MOV10: variants seen among roughly 807,000 people sequenced by gnomAD.
MOV10 encodes Mov10 RNA helicase.
MOV10 carries 39 observed loss-of-function variants against 108.4 expected under a neutral mutation model. That is an observed-to-expected ratio of 0.36 (90% CI 0.28 to 0.47). The LOEUF (loss-of-function observed/expected upper bound fraction) is 0.47, where lower values mean the gene tolerates loss of function less well. Among genes scored for constraint, MOV10 ranks in the 20% least tolerant of loss-of-function variants. MOV10 has a pLI of 1.00. For synonymous variants in MOV10, 490 were observed against 523.1 expected (o/e 0.94, Z 0.86); for missense variants, 952 against 1,297.6 (o/e 0.73, Z 4.09).
chr1:112,674,912 G>A lies in MOV10; in HGVS notation c.-1G>A. The A allele has an allele frequency of 6.4e-7, 1 of 1,564,670 alleles. No individual in the cohort carries two copies. ...CTGCCTGGGCCGCAGCCGCCGCCGC[G>A]ATGCCCAGTAAGTTCAGCTGCCGGC... On this transcript the variant is annotated 5_prime_UTR_variant, in exon 2 of 21. Transcript: ENST00000369645.
Position 112,698,093 on chromosome 1 carries a change from G to A in MOV10, c.2298G>A (p.Trp766Ter). The A allele has an allele frequency of 6.2e-7, 1 of 1,614,106 alleles. No homozygotes were observed. The highest frequency in any genetic ancestry group is 8.5e-7 in the Non-Finnish European group (1 of 1,180,014). The change falls in exon 15 of 21, where the codon TGG (tryptophan) becomes TGA (stop). Residue 766 changes from tryptophan (W) to a stop codon, truncating the protein, a stop_gained. Coordinates refer to ENST00000369645, the MANE Select transcript of MOV10 (RefSeq NM_001321324.2). LOFTEE classifies it high-confidence loss of function. ...TGGATCGAGAACGCTTCTGCCGCTG[G>A]GCGGGCCTACCTCGACAGGTGAGGC... ...DVVDRERFCR[W>*]AGLPRQGFPI...
chr1:112,699,788 T>C lies in MOV10; in HGVS notation c.2687T>C (p.Leu896Pro). Reference sequence around the variant, plus strand: ...GTGCAGCTGGATCTGGACTTTAATCTGGGTTTCCTTAAGAACCCCAAGGTT... The same window carrying C: ...GTGCAGCTGGATCTGGACTTTAATCCGGGTTTCCTTAAGAACCCCAAGGTT... ...SFVQLDLDFN[L>P]GFLKNPKRFN... The change falls in exon 18 of 21, where the codon CTG becomes CCG. Residue 896 changes from leucine (L) to proline (P), a missense_variant. By Grantham distance (98) the Leu-to-Pro change is moderately conservative (BLOSUM62 -3). Coordinates refer to ENST00000369645, the MANE Select transcript of MOV10 (RefSeq NM_001321324.2). 2 of 1,614,234 alleles carry C rather than the reference T, an allele frequency of 1.2e-6. No individual in the cohort carries two copies. Among genetic ancestry groups the C allele is most frequent in the African/African-American group, 1.3e-5 (1 of 75,072 alleles).
Position 112,689,492 on chromosome 1 carries a change from T to G in MOV10, c.419T>G (p.Leu140Arg), listed in dbSNP as rs1381738704. 6.2e-7 allele frequency: 1 copy of G among 1,613,422 alleles called. No homozygotes were observed. The highest frequency in any genetic ancestry group is 2.2e-5 in the East Asian group (1 of 44,834). ...GPHEARDGQL[L>R]IRLDLNRKEV... Reference sequence around the variant, plus strand: ...CATGAAGCCCGAGATGGGCAGCTCCTTATCCGCCTGGATTTGAACCGCAAA... The same window carrying G: ...CATGAAGCCCGAGATGGGCAGCTCCGTATCCGCCTGGATTTGAACCGCAAA... The change falls in exon 4 of 21, where the codon CTT becomes CGT. Residue 140 changes from leucine to arginine, a missense_variant. Transcript: ENST00000369645.
intron 2 of MOV10, among the ~76,000 whole-genome samples, chr1:112,684,476 C>G (rs913091969): frequency 6.6e-6 from 1 of 151,268 alleles, no homozygotes; most frequent in African/African-American, 2.4e-5. Flanking sequence ...CCATGCAGGT[C>G]AGGCTGGTCT....
Position 112,694,068 on chromosome 1 carries a change from G to A in MOV10, c.1191G>A (p.Leu397=), listed in dbSNP as rs1315264504. ...SRPSVLRGDH[L]FALLSSETHQ... Reference sequence around the variant, plus strand: ...CCTCAGTGCTACGGGGCGACCACCTGTTTGCCCTTTTGTCCTCGGAGACAC... The same window carrying A: ...CCTCAGTGCTACGGGGCGACCACCTATTTGCCCTTTTGTCCTCGGAGACAC... Residue 397 remains leucine (L), a synonymous_variant, in exon 8 of 21, where the codon CTG becomes CTA. Transcript: ENST00000369645. The surrounding 1 kb of genome is among the most constrained non-coding windows in gnomAD (Gnocchi z 4.1). 2.5e-6 allele frequency: 4 copies of A among 1,613,962 alleles called. No homozygotes were observed. In the East Asian group the frequency reaches 6.7e-5, roughly 27 times the overall value.
In MOV10 at chr1:112,689,535, G is replaced by A. The variant is rs1255574071; in HGVS notation, c.462G>A (p.Arg154=). ...ACCGCAAAGAGGTGCTGACCCTGAGGCTTCGGAATGGCGGAACCCAGTCTG... is the reference window on the plus strand; with the variant it reads ...ACCGCAAAGAGGTGCTGACCCTGAGACTTCGGAATGGCGGAACCCAGTCTG... The part of the protein sequence containing the change: ...DLNRKEVLTL[R]LRNGGTQSVT... The change falls in exon 4 of 21, where the codon AGG becomes AGA. Residue 154 remains arginine, a synonymous_variant. Coordinates refer to ENST00000369645, the MANE Select transcript of MOV10 (RefSeq NM_001321324.2). 5 of 1,614,066 alleles carry A rather than the reference G, an allele frequency of 3.1e-6. No individual in the cohort carries two copies. The Admixed American group carries it at 5.0e-5, about 16-fold the overall frequency.
chr1:112,695,806 G>A lies in MOV10; in HGVS notation c.1779+232G>A, dbSNP rs747112457. 5.3e-5 allele frequency among the ~76,000 whole-genome samples: 8 copies of A among 152,106 alleles called. No individual in the cohort carries two copies. The South Asian group carries it at 6.2e-4, about 12-fold the overall frequency. ...TTGTAATCCCAACACTTTGAGGGGC[G>A]AGGCAGATGGATTACCTGAGGTCTG... is the stretch of plus-strand genomic sequence containing the variant. On this transcript the variant is annotated intron_variant, in intron 11 of 20. Transcript: ENST00000369645.
At chr1:112,695,660 C>G in intron 11 of MOV10, 86 bp downstream of exon 11, 2 of 1,417,182 alleles carry the variant, frequency 1.4e-6, no homozygotes, top group Non-Finnish European at 1.9e-6. Flanking sequence ...GCTAGGAGAC[C>G]TGGATTCTGA....
Position 112,691,746 on chromosome 1 carries a change from G to A in MOV10, c.918G>A (p.Met306Ile). 6.2e-7 allele frequency: 1 copy of A among 1,614,200 alleles called. No homozygotes were observed. Among genetic ancestry groups the A allele is most frequent in the African/African-American group, 1.3e-5 (1 of 75,036 alleles). ...PPPRLRQLLPMLLQGTSIFTA... is the reference protein window; with the variant it reads ...PPPRLRQLLPILLQGTSIFTA... ...CCCGCCTCAGGCAGCTGCTCCCCAT[G>A]CTTCTTCAGGGAACAAGTATCTTCA... Residue 306 changes from methionine to isoleucine, a missense_variant, in exon 6 of 21, where the codon ATG (methionine) becomes ATA (isoleucine). Met to Ile is a conservative substitution (Grantham distance 10, BLOSUM62 1). This residue lies in a region of MOV10 where 374 missense variants were observed against 468.6 expected (regional missense o/e 0.80). Coordinates refer to ENST00000369645, the MANE Select transcript of MOV10 (RefSeq NM_001321324.2).
chr1:112,686,804 C>T (rs187045608), intron 2 of MOV10, among the ~76,000 whole-genome samples: 2 of 152,328 alleles, frequency 1.3e-5, no homozygotes, highest in Admixed American at 6.5e-5. Context: ...CTTCATTCCC[C>T]CTTCTGTCAG....
In MOV10 at chr1:112,694,465, C is replaced by T. The variant is rs772569303; in HGVS notation, c.1308C>T (p.Arg436=). The change falls in exon 9 of 21, where the codon CGC becomes CGT. Residue 436 remains arginine (R), a synonymous_variant. Transcript: ENST00000369645. This position sits in a 1 kb window ranked among gnomAD's most constrained non-coding sequence, Gnocchi z 4.1. ...KLSFSMSLLS[R]FVDGLTFKVN... ...TCTCTGCCCAAAGCCTCCTGAGCCG[C>T]TTTGTGGATGGGCTGACCTTCAAGG... 1.2e-5 allele frequency: 19 copies of T among 1,614,086 alleles called. No homozygotes were observed. Among genetic ancestry groups the T allele is most frequent in the Non-Finnish European group, 1.5e-5 (18 of 1,180,032 alleles).
In MOV10 at chr1:112,689,021, G is replaced by A. The variant is rs1249458430; in HGVS notation, c.224G>A (p.Arg75Lys). ...GCCTACGTCACCAAGACTCGGGTCA[G>A]GTTCTTCAGACTCGACCGCTGGGCC... The part of the protein sequence containing the change: ...NLAYVTKTRV[R>K]FFRLDRWADV... Residue 75 changes from arginine to lysine, a missense_variant, in exon 3 of 21, where the codon AGG becomes AAG. By Grantham distance (26) the Arg-to-Lys change is conservative. Transcript: ENST00000369645. 3 of 1,612,542 alleles carry A rather than the reference G, an allele frequency of 1.9e-6. No individual in the cohort carries two copies. The highest frequency in any genetic ancestry group is 2.5e-6 in the Non-Finnish European group (3 of 1,180,046).
In MOV10 at chr1:112,700,726, T is replaced by A. The variant is rs924269733; in HGVS notation, c.*219T>A. 1 of 1,510,796 alleles carries A rather than the reference T, an allele frequency of 6.6e-7. No homozygotes were observed. The highest frequency in any genetic ancestry group is 2.2e-5 in the Admixed American group (1 of 45,230). The allele number at this position is 1,510,796 out of a possible 1,614,324, so 93.6% of individuals were successfully genotyped here. A position where few individuals can be genotyped will look rare whatever the true frequency, so the allele number is the denominator to read the frequency against. ...GAAGAAAACTCTGAAAACAAAATCT[T>A]GTTCTATGCAAAAGCCTTGATAATG... On this transcript the variant is annotated 3_prime_UTR_variant, in exon 21 of 21. Coordinates refer to ENST00000369645, the MANE Select transcript of MOV10 (RefSeq NM_001321324.2).
chr1:112,684,991 G>A (rs1404293014), intron 2 of MOV10: 1 of 152,026 alleles, frequency 6.6e-6, no homozygotes, highest in Non-Finnish European at 1.5e-5. Flanking sequence ...TTTTGCTAGA[G>A]AAAATATTTT....
chr1:112,688,928 C>T lies in MOV10; in HGVS notation c.138-7C>T. On this transcript the variant is annotated splice_polypyrimidine_tract_variant and splice_region_variant and intron_variant, in intron 2 of 20. Coordinates refer to ENST00000369645, the MANE Select transcript of MOV10 (RefSeq NM_001321324.2). Reference sequence around the variant, plus strand: ...CCTCACTTCCCAGTCTCCTCTGCTTCTGGCAGCTTTGGGACCCCCGCCCCT... The same window carrying T: ...CCTCACTTCCCAGTCTCCTCTGCTTTTGGCAGCTTTGGGACCCCCGCCCCT... The T allele has an allele frequency of 1.2e-6, 2 of 1,612,232 alleles. No individual in the cohort carries two copies. Among genetic ancestry groups the T allele is most frequent in the Non-Finnish European group, 1.7e-6 (2 of 1,179,984 alleles).
At position 112,700,638 on chromosome 1, in the gene MOV10, C is replaced by T. The variant is rs952246464; in HGVS notation, c.*131C>T. The T allele has an allele frequency of 6.5e-7, 1 of 1,543,856 alleles. No homozygotes were observed. The highest frequency in any genetic ancestry group is 1.4e-5 in the African/African-American group (1 of 72,766). ...GAGGGAGTTTACAACCCAAGCCATT[C>T]CACCCCCTCCCCTGCTGGGGAGAAT... On this transcript the variant is annotated 3_prime_UTR_variant, in exon 21 of 21. Coordinates refer to ENST00000369645, the MANE Select transcript of MOV10 (RefSeq NM_001321324.2).
Position 112,695,450 on chromosome 1 carries a change from C to G in MOV10, c.1655C>G (p.Ala552Gly). ...VKHLPKAHIL[A>G]CAPSNSGADL... ...CACTTGCCCAAAGCCCACATCTTGG[C>G]CTGCGCTCCATCCAACTCAGGGGCT... The change falls in exon 11 of 21, where the codon GCC becomes GGC. Residue 552 changes from alanine (A) to glycine (G), a missense_variant. Transcript: ENST00000369645. 6.2e-7 allele frequency: 1 copy of G among 1,614,186 alleles called. No individual in the cohort carries two copies. Among genetic ancestry groups the G allele is most frequent in the Non-Finnish European group, 8.5e-7 (1 of 1,180,032 alleles).
intron 7 of MOV10, 162 bp from the exon 8 acceptor site, chr1:112,693,856 G>A: frequency 1.7e-6 from 1 of 590,176 alleles, no homozygotes; most frequent in Non-Finnish European, 3.0e-6. Flanking sequence ...GACTCCTGCT[G>A]GTATGAAAGG....
chr1:112,675,187 G>C lies in MOV10; in HGVS notation c.137+138G>C, dbSNP rs1409021614. ...CGGCTCAGGCCAGTCCCGGGGCGGC[G>C]CAGACCTCCCCTCCCGCGCCTCGCC... On this transcript the variant is annotated intron_variant, in intron 2 of 20. Transcript: ENST00000369645. This position sits in a 1 kb window ranked among gnomAD's most constrained non-coding sequence, Gnocchi z 4.7. The C allele has an allele frequency of 1.0e-6, 1 of 952,406 alleles. No homozygotes were observed. Among genetic ancestry groups the C allele is most frequent in the Non-Finnish European group, 1.5e-6 (1 of 685,628 alleles). 59.0% of individuals were successfully genotyped at this position (952,406 alleles called of 1,614,324 possible). A position where few individuals can be genotyped will look rare whatever the true frequency, so the allele number is the denominator to read the frequency against.
Sources: gnomAD v4.1 joint callset for allele counts (sites outside exome capture counted in the v4.1 genomes callset) on GRCh38, gnomAD v4.1.1 for gene constraint, gnomAD v4.1.1 regional missense constraint, Gnocchi (gnomAD v3.1) non-coding constraint, MANE v1.5 for transcripts, NCBI Gene and HGNC (gene_info 2026-07-23, HGNC 2026-07-21) for gene names.